The following TENT2 variants were observed in gnomAD, a reference collection of about 807,000 sequenced individuals.
The protein encoded by TENT2 is terminal nucleotidyltransferase 2, also known as poly(A) RNA polymerase GLD2.
TENT2 carries 44 observed loss-of-function variants against 72.2 expected under a neutral mutation model. That is an observed-to-expected ratio of 0.61 (90% CI 0.48 to 0.78). The LOEUF (loss-of-function observed/expected upper bound fraction) is 0.78, where lower values mean the gene tolerates loss of function less well. Among genes scored for constraint, TENT2 ranks in the 30% least tolerant of loss-of-function variants. The probability of loss-of-function intolerance (pLI) is 0.00; values close to 1 mark genes in which losing one functional copy is unlikely to be tolerated. For missense variants in TENT2, 541 were observed against 569.6 expected (o/e 0.95, Z 0.51); for synonymous variants, 212 against 192.5 (o/e 1.10, Z -0.84).
chr5:79,613,349 T>G (rs1347516474), intron 1 of TENT2, among the ~76,000 whole-genome samples: 1 of 152,212 alleles, frequency 6.6e-6, no homozygotes, highest in South Asian at 2.1e-4. Flanking sequence ...ATATTTTTCA[T>G]TAGGGTGAAC....
intron 14 of TENT2, among the ~76,000 whole-genome samples, chr5:79,684,670 C>T (rs11739815): frequency 0.44 from 66,625 of 152,094 alleles, 17,659 homozygotes; most frequent in African/African-American, 0.74. Flanking sequence ...TACCTTGCTA[C>T]TTTTAGATTG....
chr5:79,684,441 A>G (rs1207594405), intron 14 of TENT2, among the ~76,000 whole-genome samples: 1 of 152,108 alleles, frequency 6.6e-6, no homozygotes, highest in Non-Finnish European at 1.5e-5. Context: ...TTTTTTGTAC[A>G]GACAGGGTTT....
chr5:79,674,624 G>A (rs1197926632), intron 12 of TENT2, among the ~76,000 whole-genome samples: 1 of 152,178 alleles, frequency 6.6e-6, no homozygotes, highest in Non-Finnish European at 1.5e-5. Context: ...ACTTTGATGT[G>A]TACCGGTTAC....
intron 12 of TENT2, among the ~76,000 whole-genome samples, chr5:79,674,073 CAA>C (rs1815182752): frequency 6.6e-6 from 1 of 152,218 alleles, no homozygotes; most frequent in African/African-American, 2.4e-5. Flanking sequence ...CTAATCTCCT[CAA>C]AAGTCAGTAT....
At chr5:79,639,856 G>A (rs764360682) in intron 4 of TENT2, among the ~76,000 whole-genome samples, 3 of 152,158 alleles carry the variant, frequency 2.0e-5, no homozygotes, top group African/African-American at 7.2e-5. Flanking sequence ...ATAAAAGTCC[G>A]GAAAGGGAGT....
At chr5:79,672,041 T>G (rs932354583) in intron 12 of TENT2, among the ~76,000 whole-genome samples, 12 of 151,708 alleles carry the variant, frequency 7.9e-5, no homozygotes, top group African/African-American at 2.7e-4. Context: ...AGGTGGGGGT[T>G]GCAGTGAGCT....
chr5:79,672,411 G>A (rs142731057), intron 12 of TENT2, among the ~76,000 whole-genome samples: 3 of 152,084 alleles, frequency 2.0e-5, no homozygotes, highest in Non-Finnish European at 2.9e-5. Context: ...TATCTTATTC[G>A]TTCTATTTTC....
chr5:79,677,793 G>A (rs890345447), intron 12 of TENT2, among the ~76,000 whole-genome samples: 1 of 152,052 alleles, frequency 6.6e-6, no homozygotes, highest in African/African-American at 2.4e-5. Flanking sequence ...ACATTTGTGT[G>A]GATGTTTTTG....
chr5:79,679,388 C>A (rs1580680239), intron 12 of TENT2, among the ~76,000 whole-genome samples, 191 bp from the exon 13 acceptor site: 1 of 151,694 alleles, frequency 6.6e-6, no homozygotes, highest in Admixed American at 6.6e-5. Context: ...GAAACAAATT[C>A]TTAGAAGATG....
chr5:79,663,279 A>G (rs145534514), intron 11 of TENT2, among the ~76,000 whole-genome samples: 2 of 152,206 alleles, frequency 1.3e-5, no homozygotes, highest in African/African-American at 4.8e-5. Flanking sequence ...TTTATCATTG[A>G]TGCGTTCACT....
At chr5:79,641,519 T>C (rs1021656716) in intron 6 of TENT2, among the ~76,000 whole-genome samples, 1 of 151,228 alleles carries the variant, frequency 6.6e-6, no homozygotes, top group African/African-American at 2.4e-5. Flanking sequence ...CAAAGAAGAG[T>C]ATGTGGCAAT....
At chr5:79,638,601 G>A (rs530722580) in intron 4 of TENT2, among the ~76,000 whole-genome samples, 1 of 152,272 alleles carries the variant, frequency 6.6e-6, no homozygotes, top group South Asian at 2.1e-4. Context: ...TTTGGTGAGT[G>A]AGGGGGAGAA....
intron 1 of TENT2, among the ~76,000 whole-genome samples, chr5:79,613,558 A>G (rs1287120448): frequency 1.3e-5 from 2 of 152,242 alleles, no homozygotes; most frequent in African/African-American, 4.8e-5. Flanking sequence ...TAACAGCCAT[A>G]AGGCTATTAA....
intron 10 of TENT2, among the ~76,000 whole-genome samples, chr5:79,652,288 C>G (rs1183534794): frequency 6.6e-6 from 1 of 151,898 alleles, no homozygotes; most frequent in African/African-American, 2.4e-5. Flanking sequence ...TACATAGCCA[C>G]CAACAATCAT....
At chr5:79,637,324 A>AT (rs1257028417) in intron 4 of TENT2, among the ~76,000 whole-genome samples, 2 of 151,776 alleles carry the variant, frequency 1.3e-5, no homozygotes, top group African/African-American at 4.8e-5. Flanking sequence ...TATTTCTTCA[A>AT]TTTTTTTTCT....
chr5:79,643,069 G>A, intron 7 of TENT2, 159 bp downstream of exon 7: 1 of 752,420 alleles, frequency 1.3e-6, no homozygotes, highest in Non-Finnish European at 1.6e-6. Context: ...TGATGAAAAA[G>A]AAGAGTGATC....
At chr5:79,619,870 A>C (rs145047298) in intron 2 of TENT2, 85 bp downstream of exon 2, 20,787 of 1,516,704 alleles carry the variant, frequency 0.014, 175 homozygotes, top group Non-Finnish European at 0.017. Flanking sequence ...AAACTTTTGA[A>C]CATGGAGAAT....
intron 12 of TENT2, among the ~76,000 whole-genome samples, chr5:79,678,201 C>T (rs564414286): frequency 1.4e-4 from 21 of 152,156 alleles, no homozygotes; most frequent in Non-Finnish European, 2.8e-4. Context: ...ATTATACTTT[C>T]AGTGTGCTTT....
rs558009492 is a variant in TENT2, at chr5:79,631,519, T to C, written c.465+8030T>C. ...AATGTGTATTTGGCCATCATCAGCA[T>C]ACAGATGGTAATTGAAGCCCCAGGA... On this transcript the variant is annotated intron_variant, in intron 4 of 14. Transcript: ENST00000453514. 8.5e-5 allele frequency among the ~76,000 whole-genome samples: 13 copies of C among 152,310 alleles called. No individual in the cohort carries two copies. The East Asian group carries it at 2.5e-3, about 29-fold the overall frequency.
Sources: gnomAD v4.1 joint callset for allele counts (sites outside exome capture counted in the v4.1 genomes callset) on GRCh38, gnomAD v4.1.1 for gene constraint, MANE v1.5 for transcripts, NCBI Gene and HGNC (gene_info 2026-07-23, HGNC 2026-07-21) for gene names.